Variants in MAGI2 observed in about 807,000 individuals in gnomAD.
MAGI2 encodes the protein membrane-associated guanylate kinase, WW and PDZ domain-containing protein 2.
In MAGI2, 35 loss-of-function variants were observed where a neutral mutation model predicts 133.3. The observed-to-expected ratio is 0.26, with a 90% CI of 0.20 to 0.35. MAGI2 has a LOEUF of 0.35. MAGI2 is among the 10% of genes least tolerant of loss of function. The pLI, the probability that MAGI2 is intolerant of heterozygous loss-of-function variation, is 1.00. For missense variants in MAGI2, 1,636 were observed against 1,863.4 expected (o/e 0.88, Z 2.25); for synonymous variants, 729 against 710.6 (o/e 1.03, Z -0.41).
At chr7:78,280,614 T>G (rs917225151) in intron 9 of MAGI2, among the ~76,000 whole-genome samples, 1 of 152,064 alleles carries the variant, frequency 6.6e-6, no homozygotes, top group Non-Finnish European at 1.5e-5. Flanking sequence ...TATCACTACC[T>G]CCATTTTACC....
chr7:78,356,687 G>C (rs1218564510), intron 7 of MAGI2, among the ~76,000 whole-genome samples: 2 of 152,148 alleles, frequency 1.3e-5, no homozygotes, highest in Non-Finnish European at 2.9e-5. Context: ...TTGAGCGCTG[G>C]TGGGAACTCT....
chr7:78,955,028 A>G (rs11980432), intron 2 of MAGI2, among the ~76,000 whole-genome samples: 2,304 of 152,198 alleles, frequency 0.015, 47 homozygotes, highest in African/African-American at 0.05. Flanking sequence ...GAGACTCTAT[A>G]AAGAAGTCCT....
At chr7:78,363,242 C>T (rs1041899649) in intron 7 of MAGI2, among the ~76,000 whole-genome samples, 5 of 152,116 alleles carry the variant, frequency 3.3e-5, no homozygotes, top group South Asian at 2.1e-4. Flanking sequence ...ACCTGTAATC[C>T]CAGCACTTTG....
chr7:79,384,737 A>C (rs900697152), intron 1 of MAGI2, among the ~76,000 whole-genome samples: 2 of 151,726 alleles, frequency 1.3e-5, no homozygotes, highest in African/African-American at 4.8e-5. Context: ...AATTGCATCC[A>C]AAATGTTTTC....
At chr7:78,225,097 C>T (rs1464808860) in intron 10 of MAGI2, among the ~76,000 whole-genome samples, 1 of 152,126 alleles carries the variant, frequency 6.6e-6, no homozygotes, top group African/African-American at 2.4e-5. Context: ...TGGAGTCTTT[C>T]TTTGGGATAC....
At chr7:78,833,567 G>T (rs1000121958) in intron 2 of MAGI2, among the ~76,000 whole-genome samples, 2 of 152,212 alleles carry the variant, frequency 1.3e-5, no homozygotes, top group African/African-American at 4.8e-5. Flanking sequence ...GGGGTATTTA[G>T]TCTCCTAGCT....
chr7:78,661,017 C>T (rs565192561), intron 2 of MAGI2, among the ~76,000 whole-genome samples: 4 of 152,238 alleles, frequency 2.6e-5, no homozygotes, highest in South Asian at 2.1e-4. Context: ...TGTCCACTCC[C>T]GTCGTTCTAT....
intron 11 of MAGI2, among the ~76,000 whole-genome samples, chr7:78,198,159 C>T (rs1828898825): frequency 6.6e-6 from 1 of 152,320 alleles, no homozygotes; most frequent in African/African-American, 2.4e-5. Flanking sequence ...GTTTATTTCT[C>T]AACAAGCTTC....
At chr7:78,042,922 T>C (rs1198965841) in intron 21 of MAGI2, among the ~76,000 whole-genome samples, 3 of 152,170 alleles carry the variant, frequency 2.0e-5, no homozygotes, top group African/African-American at 7.2e-5. Context: ...CATCAATATA[T>C]ACAATATGCC....
intron 20 of MAGI2, among the ~76,000 whole-genome samples, chr7:78,112,706 G>A (rs1819473540): frequency 6.6e-6 from 1 of 152,218 alleles, no homozygotes; most frequent in Non-Finnish European, 1.5e-5. Flanking sequence ...AATATTTACT[G>A]AGTGCCCCAG....
At chr7:79,181,899 A>G (rs1054516892) in intron 1 of MAGI2, among the ~76,000 whole-genome samples, 2 of 152,052 alleles carry the variant, frequency 1.3e-5, no homozygotes, top group Non-Finnish European at 1.5e-5. Flanking sequence ...GCACAATGCC[A>G]TCAGTCTCTT....
In MAGI2 at chr7:79,445,481, C is replaced by T. The variant is rs567379687; in HGVS notation, c.301+7539G>A. Among the ~76,000 whole-genome samples, 7 of 152,204 alleles carry T rather than the reference C, an allele frequency of 4.6e-5. No individual in the cohort carries two copies. In the East Asian group the frequency reaches 9.7e-4, roughly 21 times the overall value. On this transcript the variant is annotated intron_variant, in intron 1 of 21. Transcript: ENST00000354212. Reference sequence around the variant, plus strand: ...AACAAATTTACAAGAAAAAAACAAACAACCCCATTAAAAAGTGGGCAAAGG... The same window carrying T: ...AACAAATTTACAAGAAAAAAACAAATAACCCCATTAAAAAGTGGGCAAAGG...
At chr7:78,221,646 AGAAAATGT>A (rs1308130553) in intron 10 of MAGI2, among the ~76,000 whole-genome samples, 1 of 152,128 alleles carries the variant, frequency 6.6e-6, no homozygotes, top group Non-Finnish European at 1.5e-5. Context: ...TCACATATTC[AGAAAATGT>A]GGACAATAGA....
intron 4 of MAGI2, among the ~76,000 whole-genome samples, chr7:78,511,960 A>G (rs930430477): frequency 2.1e-4 from 32 of 151,652 alleles, no homozygotes; most frequent in African/African-American, 7.7e-4. Flanking sequence ...AACAAAAACA[A>G]AAACAGAAAA....
chr7:78,780,029 A>T (rs1160783204), intron 2 of MAGI2, among the ~76,000 whole-genome samples: 1 of 152,218 alleles, frequency 6.6e-6, no homozygotes, highest in Non-Finnish European at 1.5e-5. Flanking sequence ...AAGAAATCAA[A>T]CCCTTAATTA....
chr7:78,671,279 CT>C (rs555436656), intron 2 of MAGI2, among the ~76,000 whole-genome samples: 9,510 of 71,058 alleles, frequency 0.13, 371 homozygotes, highest in African/African-American at 0.24. Context: ...GTCTCTCTCT[CT>C]CTTTTTTTTT....
intron 9 of MAGI2, among the ~76,000 whole-genome samples, chr7:78,284,730 T>C (rs1434620090): frequency 6.6e-6 from 1 of 152,058 alleles, no homozygotes; most frequent in Non-Finnish European, 1.5e-5. Context: ...TGGAGAAACT[T>C]AGCTGCCTGT....
chr7:79,424,149 C>T (rs116689171), intron 1 of MAGI2, among the ~76,000 whole-genome samples: 1 of 152,120 alleles, frequency 6.6e-6, no homozygotes, highest in East Asian at 1.9e-4. Flanking sequence ...TAGCTAGTGT[C>T]CATGTGCAGT....
intron 1 of MAGI2, among the ~76,000 whole-genome samples, chr7:79,145,124 G>A (rs945539556): frequency 6.6e-6 from 1 of 152,040 alleles, no homozygotes; most frequent in African/African-American, 2.4e-5. Context: ...ACATAATTTG[G>A]GTATAAGGAA....
Sources: gnomAD v4.1 joint callset for allele counts (sites outside exome capture counted in the v4.1 genomes callset) on GRCh38, gnomAD v4.1.1 for gene constraint, MANE v1.5 for transcripts, NCBI Gene and HGNC (gene_info 2026-07-23, HGNC 2026-07-21) for gene names.